WDPCP: variants seen among roughly 807,000 people sequenced by gnomAD.
The protein encoded by WDPCP is WD repeat-containing and planar cell polarity effector protein fritz homolog.
In WDPCP, 71 loss-of-function variants were observed where a neutral mutation model predicts 93.1. The ratio of observed to expected loss-of-function variants is 0.76; its 90% CI spans 0.63 to 0.93. The LOEUF (loss-of-function observed/expected upper bound fraction) is 0.93. WDPCP is among the 40% of genes least tolerant of loss of function. The pLI, the probability that WDPCP is intolerant of heterozygous loss-of-function variation, is 0.00. For missense variants in WDPCP, 844 were observed against 887.4 expected, an observed-to-expected ratio of 0.95 and a Z score of 0.62; for synonymous variants, 315 against 315.0, an observed-to-expected ratio of 1.00 and a Z score of 0.00.
chr2:63,152,089 T>C (rs1214085399), intron 17 of WDPCP, among the ~76,000 whole-genome samples: 2 of 152,124 alleles, frequency 1.3e-5, no homozygotes, highest in Non-Finnish European at 2.9e-5. Flanking sequence ...ATATTTTATA[T>C]GCATTATTTA....
chr2:63,249,082 T>C (rs932843921), intron 14 of WDPCP, among the ~76,000 whole-genome samples: 2 of 152,152 alleles, frequency 1.3e-5, no homozygotes, highest in Non-Finnish European at 2.9e-5. Flanking sequence ...GTTTTCCTGT[T>C]TCTTTGTATG....
At chr2:63,276,676 CAAAG>C (rs1464417497) in intron 13 of WDPCP, among the ~76,000 whole-genome samples, 1 of 151,994 alleles carries the variant, frequency 6.6e-6, no homozygotes, top group African/African-American at 2.4e-5. Context: ...CCATCAAAGA[CAAAG>C]AAAAAATAAT....
At chr2:63,432,941 T>C (rs1696868975) in intron 9 of WDPCP, among the ~76,000 whole-genome samples, 1 of 152,156 alleles carries the variant, frequency 6.6e-6, no homozygotes, top group Non-Finnish European at 1.5e-5. Flanking sequence ...TTCTGGGAAA[T>C]ACTCCTTAAA....
At chr2:63,359,912 C>T (rs1690312665) in intron 12 of WDPCP, 1 of 152,244 alleles carries the variant, frequency 6.6e-6, no homozygotes, top group Non-Finnish European at 1.5e-5. Context: ...AATCCCATCT[C>T]TACTAAAAAC....
At chr2:63,614,913 T>A (rs755144091) in intron 3 of WDPCP, among the ~76,000 whole-genome samples, 1 of 152,220 alleles carries the variant, frequency 6.6e-6, no homozygotes, top group African/African-American at 2.4e-5. Context: ...AACCTAAGCA[T>A]AAAAACAGAC....
At chr2:63,599,246 A>C in intron 3 of WDPCP, 1 of 1,613,752 alleles carries the variant, frequency 6.2e-7, no homozygotes, top group African/African-American at 1.3e-5. Flanking sequence ...CCCAAGGAGA[A>C]CTTCAGTTGC....
chr2:63,653,357 T>C (rs1159332917), intron 2 of WDPCP, among the ~76,000 whole-genome samples: 1 of 152,096 alleles, frequency 6.6e-6, no homozygotes, highest in Admixed American at 6.6e-5. Context: ...TCCCACCAAC[T>C]AGAGTGAAGA....
chr2:63,237,097 T>A (rs891873409), intron 14 of WDPCP, among the ~76,000 whole-genome samples: 2 of 151,608 alleles, frequency 1.3e-5, no homozygotes, highest in African/African-American at 4.8e-5. Context: ...AACAAAGGAC[T>A]AATATCCGGA....
At chr2:63,485,721 T>C (rs1700536633) in intron 4 of WDPCP, among the ~76,000 whole-genome samples, 1 of 151,918 alleles carries the variant, frequency 6.6e-6, no homozygotes, top group African/African-American at 2.4e-5. Context: ...TAAACATGTC[T>C]ATTTTATCAG....
intron 2 of WDPCP, among the ~76,000 whole-genome samples, chr2:63,782,772 GTGTGTT>G (rs887432433): frequency 4.0e-5 from 6 of 150,120 alleles, no homozygotes; most frequent in Non-Finnish European, 8.9e-5. Context: ...GTGTGTGTGT[GTGTGTT>G]TGTGTGTTTG....
chr2:63,636,317 T>G (rs1203252491), intron 3 of WDPCP, among the ~76,000 whole-genome samples: 1 of 152,220 alleles, frequency 6.6e-6, no homozygotes, highest in Non-Finnish European at 1.5e-5. Flanking sequence ...TTGTCAAAAT[T>G]TTATCATCAT....
At chr2:63,689,897 A>G (rs1668866960) in intron 2 of WDPCP, among the ~76,000 whole-genome samples, 1 of 152,240 alleles carries the variant, frequency 6.6e-6, no homozygotes, top group African/African-American at 2.4e-5. Context: ...TGTACTGCAC[A>G]GAAGCAATAA....
intron 2 of WDPCP, among the ~76,000 whole-genome samples, chr2:63,787,071 C>T (rs1404002586): frequency 6.6e-6 from 1 of 152,100 alleles, no homozygotes; most frequent in Non-Finnish European, 1.5e-5. Context: ...GTAAATCTGC[C>T]TTGACATTTA....
chr2:63,496,306 A>C (rs1454978598), intron 1 of WDPCP, among the ~76,000 whole-genome samples: 1 of 152,230 alleles, frequency 6.6e-6, no homozygotes, highest in African/African-American at 2.4e-5. Flanking sequence ...TAATTTGTCA[A>C]AACTTCCTCC....
chr2:63,628,743 T>C (rs1709835405), intron 3 of WDPCP, among the ~76,000 whole-genome samples: 1 of 152,190 alleles, frequency 6.6e-6, no homozygotes, highest in Non-Finnish European at 1.5e-5. Flanking sequence ...CTGCTCAACT[T>C]TTTAATAGAC....
At chr2:63,774,186 T>C (rs1019953742) in intron 2 of WDPCP, among the ~76,000 whole-genome samples, 2 of 152,130 alleles carry the variant, frequency 1.3e-5, no homozygotes, top group South Asian at 2.1e-4. Flanking sequence ...CAAGCAATTA[T>C]GGAAATATCT....
At chr2:63,460,586 C>A (rs1698937736) in intron 6 of WDPCP, among the ~76,000 whole-genome samples, 1 of 151,926 alleles carries the variant, frequency 6.6e-6, no homozygotes, top group Admixed American at 6.6e-5. Flanking sequence ...ACATGTACCC[C>A]ACAAATATGT....
At chr2:63,838,020 A>C in the WDPCP span, among the ~76,000 whole-genome samples, 1 of 152,080 alleles carries the variant, frequency 6.6e-6, no homozygotes, top group Non-Finnish European at 1.5e-5. Context: ...CCAGCTACTC[A>C]GGAGGTGGAG....
chr2:63,259,971 T>C (rs1040996159), intron 13 of WDPCP, among the ~76,000 whole-genome samples: 2 of 152,130 alleles, frequency 1.3e-5, no homozygotes, highest in African/African-American at 4.8e-5. Context: ...TGTAAACCAA[T>C]AGTTAATTAC....
Sources: gnomAD v4.1 joint callset for allele counts (sites outside exome capture counted in the v4.1 genomes callset) on GRCh38, gnomAD v4.1.1 for gene constraint, MANE v1.5 for transcripts, NCBI Gene and HGNC (gene_info 2026-07-23, HGNC 2026-07-21) for gene names.